The following GALNT4 variants were observed in gnomAD, a reference collection of about 807,000 sequenced individuals.
GALNT4 encodes UDP-GalNAc:polypeptide N-acetylgalactosaminyltransferase 4.
A neutral mutation model predicts 45.1 loss-of-function variants in GALNT4; 23 were observed. That is an observed-to-expected ratio of 0.51 (90% CI 0.37 to 0.72). The LOEUF (loss-of-function observed/expected upper bound fraction) is 0.72. Ranked by LOEUF, GALNT4 falls within the 30% of genes least tolerant of loss-of-function variation. The probability of loss-of-function intolerance (pLI) is 0.00; values close to 1 mark genes in which losing one functional copy is unlikely to be tolerated. For missense variants in GALNT4, 757 were observed against 709.0 expected, an observed-to-expected ratio of 1.07 and a Z score of -0.77; for synonymous variants, 264 against 257.6, an observed-to-expected ratio of 1.02 and a Z score of -0.24.
In GALNT4 at chr12:89,523,502, C is replaced by T; in HGVS notation, c.1048G>A (p.Gly350Ser). The T allele has an allele frequency of 6.2e-7, 1 of 1,611,666 alleles. No individual in the cohort carries two copies. Among genetic ancestry groups the T allele is most frequent in the South Asian group, 1.1e-5 (1 of 90,702 alleles). ...GAACACGGGTGGATCTCCAATTTGC[C>T]ACCACACTGCCACACCCTAAAAGAC... ...ELSFRVWQCG[G>S]KLEIHPCSHV... Residue 350 changes from glycine (G) to serine (S), a missense_variant, in exon 1 of 1, where the codon GGC (glycine) becomes AGC (serine). Physicochemically the swap from Gly to Ser is moderately conservative, Grantham distance 56. Transcript: ENST00000529983.
In GALNT4 at chr12:89,523,204, C is replaced by T. The variant is rs376886740; in HGVS notation, c.1346G>A (p.Arg449His). Reference protein sequence around the residue: ...EDRPGWHGAIRSRGISSECLD... With the variant: ...EDRPGWHGAIHSRGISSECLD... ...ACATTCAGACGAGATCCCTCTACTG[C>T]GAATAGCCCCATGCCAGCCTGGTCT... The change falls in exon 1 of 1, where the codon CGC becomes CAC. Residue 449 changes from arginine (R) to histidine (H), a missense_variant. Coordinates refer to ENST00000529983, the MANE Select transcript of GALNT4 (RefSeq NM_003774.5). The T allele has an allele frequency of 5.6e-6, 9 of 1,613,744 alleles. No individual in the cohort carries two copies. Among genetic ancestry groups the T allele is most frequent in the African/African-American group, 4.0e-5 (3 of 74,914 alleles).
chr12:89,523,306 A>C lies in GALNT4; in HGVS notation c.1244T>G (p.Leu415Arg). The C allele has an allele frequency of 6.2e-7, 1 of 1,614,094 alleles. No homozygotes were observed. Among genetic ancestry groups the C allele is most frequent in the Non-Finnish European group, 8.5e-7 (1 of 1,179,912 alleles). Residue 415 changes from leucine to arginine, a missense_variant, in exon 1 of 1, where the codon CTA (leucine) becomes CGA (arginine). Coordinates refer to ENST00000529983, the MANE Select transcript of GALNT4 (RefSeq NM_003774.5). ...AYGDISERKL[L>R]RERLRCKSFD... ...GCTCTTGCATCTCAACCGCTCTCGTAGTAATTTTCTTTCAGAAATATCACC... is the reference window on the plus strand; with the variant it reads ...GCTCTTGCATCTCAACCGCTCTCGTCGTAATTTTCTTTCAGAAATATCACC...
In GALNT4 at chr12:89,522,490, C is replaced by T. The variant is rs867735627; in HGVS notation, c.*323G>A. ...AAATCATACCTCATTTTACTTGGAC[C>T]TTTACATTCTTTAATATTAAGTCTG... On this transcript the variant is annotated 3_prime_UTR_variant, in exon 1 of 1. Transcript: ENST00000529983. 1.2e-5 allele frequency: 4 copies of T among 344,414 alleles called. No homozygotes were observed. The highest frequency in any genetic ancestry group is 2.1e-5 in the African/African-American group (1 of 47,664). The allele number at this position is 344,414 out of a possible 1,614,324, so 21.3% of individuals were successfully genotyped here. A position where few individuals can be genotyped will look rare whatever the true frequency, so the allele number is the denominator to read the frequency against.
At position 89,524,686 on chromosome 12, in the gene GALNT4, C is replaced by G. The variant is rs909389988; in HGVS notation, c.-137G>C. 3 of 936,606 alleles carry G rather than the reference C, an allele frequency of 3.2e-6. No homozygotes were observed. Among genetic ancestry groups the G allele is most frequent in the Non-Finnish European group, 4.8e-6 (3 of 625,106 alleles). 58.0% of individuals were successfully genotyped at this position (936,606 alleles called of 1,614,324 possible). ...TGCAGGCGCTAGGCTCCTTTCCAGC[C>G]ACCCAGGCTTTCCAGGGGTCACCTG... is the stretch of plus-strand genomic sequence containing the variant. On this transcript the variant is annotated 5_prime_UTR_variant, in exon 1 of 1. Transcript: ENST00000529983.
chr12:89,524,194 T>G lies in GALNT4; in HGVS notation c.356A>C (p.Lys119Thr), dbSNP rs771726496. 3.1e-6 allele frequency: 5 copies of G among 1,613,998 alleles called. No homozygotes were observed. The East Asian group carries it at 1.1e-4, about 36-fold the overall frequency. ...RISLHRHIED[K>T]RMYECKSQKF... The stretch of plus-strand genomic sequence containing the variant: ...CTGGGACTTACACTCATACATTCTT[T>G]TATCCTCTATGTGTCGATGCAGGGA... The change falls in exon 1 of 1, where the codon AAA (lysine) becomes ACA (threonine). Residue 119 changes from lysine (K) to threonine (T), a missense_variant. By Grantham distance (78) the Lys-to-Thr change is moderately conservative. Coordinates refer to ENST00000529983, the MANE Select transcript of GALNT4 (RefSeq NM_003774.5).
In GALNT4 at chr12:89,522,935, T is replaced by C. The variant is rs1406997042; in HGVS notation, c.1615A>G (p.Ile539Val). 2 of 1,613,950 alleles carry C rather than the reference T, an allele frequency of 1.2e-6. No individual in the cohort carries two copies. The highest frequency in any genetic ancestry group is 2.2e-5 in the East Asian group (1 of 44,884). ...CACAGTCCTGAGTGTGGGTGAAAAA[T>C]AGTTCCATCTTCTTTAAAATGCCAA... The part of the protein sequence containing the change: ...IIWHFKEDGT[I>V]FHPHSGLCLS... The change falls in exon 1 of 1, where the codon ATT (isoleucine) becomes GTT (valine). Residue 539 changes from isoleucine to valine, a missense_variant. Coordinates refer to ENST00000529983, the MANE Select transcript of GALNT4 (RefSeq NM_003774.5).
In GALNT4 at chr12:89,524,612, G is replaced by T; in HGVS notation, c.-63C>A. On this transcript the variant is annotated 5_prime_UTR_variant, in exon 1 of 1. Transcript: ENST00000529983. Reference sequence around the variant, plus strand: ...AGCCACCACGCAGGGGAAGGGCGGCGGAACCCACAGCTCGAGCTCAGGTAC... The same window carrying T: ...AGCCACCACGCAGGGGAAGGGCGGCTGAACCCACAGCTCGAGCTCAGGTAC... 1 of 1,544,500 alleles carries T rather than the reference G, an allele frequency of 6.5e-7. No homozygotes were observed. Among genetic ancestry groups the T allele is most frequent in the East Asian group, 2.2e-5 (1 of 44,484 alleles).
rs1870945430 is a variant in GALNT4 at position 89,522,218 on chromosome 12, C to A, written c.*595G>T. 2 of 398,436 alleles carry A rather than the reference C, an allele frequency of 5.0e-6. No individual in the cohort carries two copies. The highest frequency in any genetic ancestry group is 4.1e-5 in the African/African-American group (2 of 48,622). 24.7% of individuals were successfully genotyped at this position (398,436 alleles called of 1,614,324 possible). A position where few individuals can be genotyped will look rare whatever the true frequency, so the allele number is the denominator to read the frequency against. ...GGGTATGTCTGCATGTTAAAAAGGC[C>A]TCCAAACTCACACTCAAACAAATGC... On this transcript the variant is annotated 3_prime_UTR_variant, in exon 1 of 1. Coordinates refer to ENST00000529983, the MANE Select transcript of GALNT4 (RefSeq NM_003774.5).
At position 89,522,903 on chromosome 12, in the gene GALNT4, A is replaced by C; in HGVS notation, c.1647T>G (p.Ser549Arg). ...IFHPHSGLCL[S>R]AYRTPEGRPD... ...GTCGGCCCTCCGGTGTCCGATAAGC[A>C]CTAAGACACAGTCCTGAGTGTGGGT... The change falls in exon 1 of 1, where the codon AGT (serine) becomes AGG (arginine). Residue 549 changes from serine (S) to arginine (R), a missense_variant. Ser to Arg is a moderately radical substitution (Grantham distance 110). Coordinates refer to ENST00000529983, the MANE Select transcript of GALNT4 (RefSeq NM_003774.5). 1.2e-6 allele frequency: 2 copies of C among 1,614,018 alleles called. No individual in the cohort carries two copies. Among genetic ancestry groups the C allele is most frequent in the Non-Finnish European group, 1.7e-6 (2 of 1,179,888 alleles).
chr12:89,522,995 G>C lies in GALNT4; in HGVS notation c.1555C>G (p.Pro519Ala). 1.9e-6 allele frequency: 3 copies of C among 1,613,892 alleles called. No individual in the cohort carries two copies. The highest frequency in any genetic ancestry group is 2.5e-6 in the Non-Finnish European group (3 of 1,179,860). The part of the protein sequence containing the change: ...QKNYVGMQNC[P>A]KDGFPVPANI... ...GCTGGTACAGGGAACCCATCTTTGG[G>C]ACAATTTTGCATTCCCACATAATTT... The change falls in exon 1 of 1, where the codon CCC (proline) becomes GCC (alanine). Residue 519 changes from proline (P) to alanine (A), a missense_variant. By Grantham distance (27) the Pro-to-Ala change is conservative (BLOSUM62 -1). Transcript: ENST00000529983.
rs531756284 is a variant in GALNT4 at position 89,521,853 on chromosome 12, G to C, written c.*960C>G. The C allele has an allele frequency of 2.5e-6, 1 of 397,660 alleles. No individual in the cohort carries two copies. Among genetic ancestry groups the C allele is most frequent in the Admixed American group, 4.4e-5 (1 of 22,730 alleles). The allele number at this position is 397,660 out of a possible 1,614,324, so 24.6% of individuals were successfully genotyped here. The stretch of plus-strand genomic sequence containing the variant: ...AATTTCCTGATCAGCAGAACTCGTA[G>C]GAGAGTTCCACAGCCTTGGTAGAAC... On this transcript the variant is annotated 3_prime_UTR_variant, in exon 1 of 1. Transcript: ENST00000529983.
chr12:89,524,668 G>A lies in GALNT4; in HGVS notation c.-119C>T. 5.6e-6 allele frequency: 6 copies of A among 1,078,374 alleles called. No individual in the cohort carries two copies. The South Asian group carries it at 6.3e-5, about 11-fold the overall frequency. 66.8% of individuals were successfully genotyped at this position (1,078,374 alleles called of 1,614,324 possible). A position where few individuals can be genotyped will look rare whatever the true frequency, so the allele number is the denominator to read the frequency against. Reference sequence around the variant, plus strand: ...AGCAGGTTCTTCCTTTCATGCAGGCGCTAGGCTCCTTTCCAGCCACCCAGG... The same window carrying A: ...AGCAGGTTCTTCCTTTCATGCAGGCACTAGGCTCCTTTCCAGCCACCCAGG... On this transcript the variant is annotated 5_prime_UTR_variant, in exon 1 of 1. Transcript: ENST00000529983.
In GALNT4 at chr12:89,524,420, G is replaced by A. The variant is rs1266024555; in HGVS notation, c.130C>T (p.Leu44=). ...ASAGAGRARE[L]GSRRLSDLQK... ...AGGTCTGAGAGCCTTCTTGACCCCA[G>A]CTCCCTGGCACGGCCGGCTCCTGCG... The change falls in exon 1 of 1, where the codon CTG becomes TTG. Residue 44 remains leucine (L), a synonymous_variant. Transcript: ENST00000529983. 56 of 1,613,860 alleles carry A rather than the reference G, an allele frequency of 3.5e-5. No homozygotes were observed. Among genetic ancestry groups the A allele is most frequent in the Non-Finnish European group, 4.5e-5 (53 of 1,179,902 alleles).
chr12:89,524,633 G>C lies in GALNT4; in HGVS notation c.-84C>G, dbSNP rs559637260. On this transcript the variant is annotated 5_prime_UTR_variant, in exon 1 of 1. Transcript: ENST00000529983. Reference sequence around the variant, plus strand: ...CGGCGGAACCCACAGCTCGAGCTCAGGTACTTCCCAGCAGGTTCTTCCTTT... The same window carrying C: ...CGGCGGAACCCACAGCTCGAGCTCACGTACTTCCCAGCAGGTTCTTCCTTT... The C allele has an allele frequency of 2.8e-5, 40 of 1,421,444 alleles. No individual in the cohort carries two copies. Among genetic ancestry groups the C allele is most frequent in the East Asian group, 1.1e-4 (5 of 43,508 alleles). The allele number at this position is 1,421,444 out of a possible 1,614,324, so 88.1% of individuals were successfully genotyped here. A position where few individuals can be genotyped will look rare whatever the true frequency, so the allele number is the denominator to read the frequency against.
rs368663814 is a variant in GALNT4 at position 89,524,371 on chromosome 12, G to C, written c.179C>G (p.Ser60Cys). The change falls in exon 1 of 1, where the codon TCT becomes TGT. Residue 60 changes from serine (S) to cysteine (C), a missense_variant. Ser to Cys is a moderately radical substitution (Grantham distance 112). Transcript: ENST00000529983. ...AGGGGGCTTCTTATAAAGCGGTCGA[G>C]ACAAATCCTCCGTATTTTTCTGGAG... is the stretch of plus-strand genomic sequence containing the variant. ...SDLQKNTEDL[S>C]RPLYKKPPAD... 1 of 1,614,040 alleles carries C rather than the reference G, an allele frequency of 6.2e-7. No individual in the cohort carries two copies. The highest frequency in any genetic ancestry group is 1.1e-5 in the South Asian group (1 of 91,082).
chr12:89,519,839 T>A lies in GALNT4; in HGVS notation c.*2974A>T, dbSNP rs528384284. 91 of 152,600 alleles carry A rather than the reference T, an allele frequency of 6.0e-4. No individual in the cohort carries two copies. Among genetic ancestry groups the A allele is most frequent in the African/African-American group, 2.1e-3 (87 of 41,558 alleles). 9.5% of individuals were successfully genotyped at this position (152,600 alleles called of 1,614,324 possible). A position where few individuals can be genotyped will look rare whatever the true frequency, so the allele number is the denominator to read the frequency against. On this transcript the variant is annotated 3_prime_UTR_variant, in exon 1 of 1. Transcript: ENST00000529983. The stretch of plus-strand genomic sequence containing the variant: ...TGACTAAAAATGCCTATTTAGATAG[T>A]CAACCTATCCGTAAAGTTGGACACT...
chr12:89,524,384 T>C lies in GALNT4; in HGVS notation c.166A>G (p.Thr56Ala). ...SRRLSDLQKN[T>A]EDLSRPLYKK... ...TAAAGCGGTCGAGACAAATCCTCCG[T>C]ATTTTTCTGGAGGTCTGAGAGCCTT... The change falls in exon 1 of 1, where the codon ACG becomes GCG. Residue 56 changes from threonine to alanine, a missense_variant. Physicochemically the swap from Thr to Ala is moderately conservative, Grantham distance 58. Transcript: ENST00000529983. The C allele has an allele frequency of 6.2e-7, 1 of 1,614,024 alleles. No homozygotes were observed. Among genetic ancestry groups the C allele is most frequent in the African/African-American group, 1.3e-5 (1 of 75,034 alleles).
rs1354023649 is a variant in GALNT4 at position 89,521,607 on chromosome 12, G to A, written c.*1206C>T. On this transcript the variant is annotated 3_prime_UTR_variant, in exon 1 of 1. Transcript: ENST00000529983. Reference sequence around the variant, plus strand: ...GAAGGGATCTTTAAGATCCAATCCAGCACCCACATTTTACCAATGAGAAAA... The same window carrying A: ...GAAGGGATCTTTAAGATCCAATCCAACACCCACATTTTACCAATGAGAAAA... 6.0e-6 allele frequency: 1 copy of A among 166,068 alleles called. No individual in the cohort carries two copies. The highest frequency in any genetic ancestry group is 1.3e-5 in the Non-Finnish European group (1 of 77,678). The allele number at this position is 166,068 out of a possible 1,614,324, so 10.3% of individuals were successfully genotyped here.
Position 89,524,694 on chromosome 12 carries a change from C to G in GALNT4, c.-145G>C. On this transcript the variant is annotated 5_prime_UTR_variant, in exon 1 of 1. Transcript: ENST00000529983. ...CTAGGCTCCTTTCCAGCCACCCAGG[C>G]TTTCCAGGGGTCACCTGAGCCCTCT... 2 of 861,100 alleles carry G rather than the reference C, an allele frequency of 2.3e-6. No individual in the cohort carries two copies. Among genetic ancestry groups the G allele is most frequent in the Non-Finnish European group, 3.6e-6 (2 of 557,096 alleles). 53.3% of individuals were successfully genotyped at this position (861,100 alleles called of 1,614,324 possible). A position where few individuals can be genotyped will look rare whatever the true frequency, so the allele number is the denominator to read the frequency against.
Sources: gnomAD v4.1 joint callset for allele counts on GRCh38, gnomAD v4.1.1 for gene constraint, MANE v1.5 for transcripts, NCBI Gene and HGNC (gene_info 2026-07-23, HGNC 2026-07-21) for gene names.